The following MYH11 variants were observed in gnomAD, a reference collection of about 807,000 sequenced individuals.
MYH11 encodes myosin-11.
In MYH11, 80 loss-of-function variants were observed where a neutral mutation model predicts 246.6. The ratio of observed to expected loss-of-function variants is 0.32; its 90% CI spans 0.27 to 0.39. MYH11 has a LOEUF of 0.39. MYH11 is among the 10% of genes least tolerant of loss of function. The pLI, the probability that MYH11 is intolerant of heterozygous loss-of-function variation, is 1.00. For missense variants in MYH11, 2,158 were observed against 2,546.8 expected (o/e 0.85, Z 3.29); for synonymous variants, 1,071 against 1,015.5 (o/e 1.05, Z -1.04).
At chr16:15,727,530 C>G (rs567745524) in intron 27 of MYH11, among the ~76,000 whole-genome samples, 3 of 152,262 alleles carry the variant, frequency 2.0e-5, no homozygotes, top group African/African-American at 7.2e-5. Flanking sequence ...TCCTAAAGCT[C>G]ATGGGTTGCA....
intron 1 of MYH11, among the ~76,000 whole-genome samples, chr16:15,845,166 G>A (rs2044153472): frequency 6.6e-6 from 1 of 152,132 alleles, no homozygotes; most frequent in South Asian, 2.1e-4. Flanking sequence ...CTGCCATGAA[G>A]TTTAGATGAA....
chr16:15,727,452 T>C (rs2151226834), intron 27 of MYH11, among the ~76,000 whole-genome samples: 1 of 152,154 alleles, frequency 6.6e-6, no homozygotes. Flanking sequence ...CCACCCATCT[T>C]GGCCTCCCTA....
chr16:15,834,767 G>A (rs2043846229), intron 2 of MYH11, among the ~76,000 whole-genome samples: 1 of 152,072 alleles, frequency 6.6e-6, no homozygotes, highest in Non-Finnish European at 1.5e-5. Flanking sequence ...ACTTGGATTG[G>A]AGGACATATT....
At position 15,750,073 on chromosome 16, in the gene MYH11, A is replaced by G. The variant is rs2041523694; in HGVS notation, c.2058+65T>C. 3.8e-6 allele frequency: 6 copies of G among 1,597,666 alleles called. No individual in the cohort carries two copies. In the East Asian group the frequency reaches 1.3e-4, roughly 36 times the overall value. ...GGTGGGGGCAGAGGGCGCCCTGGGG[A>G]CGCTGTGACCGCTTGGGACAGCCCT... On this transcript the variant is annotated intron_variant, in intron 16 of 40. Transcript: ENST00000300036. The surrounding 1 kb of genome is among the most constrained non-coding windows in gnomAD (Gnocchi z 4.3).
chr16:15,724,229 C>A lies in MYH11; in HGVS notation c.4297G>T (p.Val1433Phe). 1.2e-6 allele frequency: 2 copies of A among 1,614,182 alleles called. No individual in the cohort carries two copies. Among genetic ancestry groups the A allele is most frequent in the African/African-American group, 1.3e-5 (1 of 75,062 alleles). ...NRLQQELDDLVVDLDNQRQLV... is the reference protein window; with the variant it reads ...NRLQQELDDLFVDLDNQRQLV... ...TGCCGCTGGTTGTCCAAATCAACAA[C>A]CAGGTCGTCCAGCTCCTGCTGAAGC... is the stretch of plus-strand genomic sequence containing the variant. Residue 1433 changes from valine (V) to phenylalanine (F), a missense_variant, in exon 31 of 41, where the codon GTT (valine) becomes TTT (phenylalanine). This residue lies in a region of MYH11 where 1,013 missense variants were observed against 993.5 expected (regional missense o/e 1.02). Coordinates refer to ENST00000300036, the MANE Select transcript of MYH11 (RefSeq NM_002474.3).
chr16:15,769,498 G>A lies in MYH11; in HGVS notation c.1033+2071C>T, dbSNP rs376622712. 1.9e-4 allele frequency among the ~76,000 whole-genome samples: 29 copies of A among 151,910 alleles called. 1 individual carries two copies. In the East Asian group the frequency reaches 4.6e-3, roughly 24 times the overall value. On this transcript the variant is annotated intron_variant, in intron 9 of 40. Transcript: ENST00000300036. Reference sequence around the variant, plus strand: ...CTAGGTGACAGAGTGGTGTGATCTCGGCTCACTGCAGCTTCGACCTCCTGG... The same window carrying A: ...CTAGGTGACAGAGTGGTGTGATCTCAGCTCACTGCAGCTTCGACCTCCTGG...
intron 1 of MYH11, among the ~76,000 whole-genome samples, chr16:15,847,011 C>T (rs1053309806): frequency 1.4e-4 from 21 of 152,074 alleles, no homozygotes; most frequent in Non-Finnish European, 2.5e-4. Context: ...GCACATCAAG[C>T]GTACTTTTTT....
intron 3 of MYH11, among the ~76,000 whole-genome samples, chr16:15,801,327 G>T (rs752851205): frequency 4.6e-5 from 7 of 151,954 alleles, no homozygotes; most frequent in Non-Finnish European, 5.9e-5. Context: ...TAAAAGATGA[G>T]GTAGCATAGT....
At chr16:15,797,554 A>T (rs28469480) in intron 4 of MYH11, among the ~76,000 whole-genome samples, 4,530 of 147,426 alleles carry the variant, frequency 0.031, 239 homozygotes, top group African/African-American at 0.11. Context: ...TATATATATA[A>T]ATATAAATAT....
chr16:15,737,386 G>A lies in MYH11; in HGVS notation c.3293+63C>T, dbSNP rs1342180301. 6.3e-5 allele frequency: 100 copies of A among 1,597,466 alleles called. 1 individual carries two copies. Among genetic ancestry groups the A allele is most frequent in the Middle Eastern group, 2.2e-4 (1 of 4,600 alleles). ...ACCAAGACAGCCACTGCGAATGAGC[G>A]AATGAGCAGGGGCCCAGGGGATACA... On this transcript the variant is annotated intron_variant, in intron 25 of 40. Coordinates refer to ENST00000300036, the MANE Select transcript of MYH11 (RefSeq NM_002474.3).
Position 15,771,592 on chromosome 16 carries a change from C to G in MYH11, c.1010G>C (p.Gly337Ala), listed in dbSNP as rs2042102682. ...QETVEAMAIMGFSEEEQLSIL... is the reference protein window; with the variant it reads ...QETVEAMAIMAFSEEEQLSIL... ...ACATAGCTGCTCCTCCTCGCTGAAA[C>G]CCATGATTGCCATGGCCTCCACGGT... is the stretch of plus-strand genomic sequence containing the variant. The change falls in exon 9 of 41, where the codon GGT (glycine) becomes GCT (alanine). Residue 337 changes from glycine to alanine, a missense_variant. Physicochemically the swap from Gly to Ala is moderately conservative, Grantham distance 60. Coordinates refer to ENST00000300036, the MANE Select transcript of MYH11 (RefSeq NM_002474.3). The G allele has an allele frequency of 6.2e-7, 1 of 1,614,020 alleles. No homozygotes were observed. The highest frequency in any genetic ancestry group is 8.5e-7 in the Non-Finnish European group (1 of 1,180,020).
chr16:15,784,026 T>C (rs1305961591), intron 5 of MYH11, among the ~76,000 whole-genome samples: 1 of 151,900 alleles, frequency 6.6e-6, no homozygotes, highest in Admixed American at 6.6e-5. Flanking sequence ...GTGTTAGAGA[T>C]GAGTTTACAT....
At position 15,718,912 on chromosome 16, in the gene MYH11, A is replaced by G. The variant is rs1364433774; in HGVS notation, c.5171+308T>C. On this transcript the variant is annotated intron_variant, in intron 36 of 40. Coordinates refer to ENST00000300036, the MANE Select transcript of MYH11 (RefSeq NM_002474.3). Reference sequence around the variant, plus strand: ...GGAGGCCAAGGTAGGAGGATCACCTAAGGTCAGGAGTTCAAGACTAGCCTG... The same window carrying G: ...GGAGGCCAAGGTAGGAGGATCACCTGAGGTCAGGAGTTCAAGACTAGCCTG... 15 of 424,650 alleles carry G rather than the reference A, an allele frequency of 3.5e-5. No individual in the cohort carries two copies. The East Asian group carries it at 7.4e-4, about 21-fold the overall frequency. The allele number at this position is 424,650 out of a possible 1,614,324, so 26.3% of individuals were successfully genotyped here. A position where few individuals can be genotyped will look rare whatever the true frequency, so the allele number is the denominator to read the frequency against.
At chr16:15,784,770 A>G (rs1037665071) in intron 5 of MYH11, 2 of 1,606,606 alleles carry the variant, frequency 1.2e-6, no homozygotes, top group African/African-American at 1.3e-5. Flanking sequence ...TTTCCATCAC[A>G]TGGACATCAG....
At chr16:15,762,089 C>T (rs2041880386) in intron 10 of MYH11, among the ~76,000 whole-genome samples, 1 of 152,258 alleles carries the variant, frequency 6.6e-6, no homozygotes, top group African/African-American at 2.4e-5. Context: ...GTTCTCCTGC[C>T]TCAGCCTCCT....
chr16:15,762,163 T>C (rs1478485420), intron 10 of MYH11, among the ~76,000 whole-genome samples: 1 of 152,120 alleles, frequency 6.6e-6, no homozygotes, highest in Non-Finnish European at 1.5e-5. Context: ...TTAGTAGAGA[T>C]GGGGTTTCAC....
Position 15,776,133 on chromosome 16 carries a change from C to T in MYH11, c.834G>A (p.Glu278=), listed in dbSNP as rs758728429. 11 of 1,614,056 alleles carry T rather than the reference C, an allele frequency of 6.8e-6. No homozygotes were observed. Among genetic ancestry groups the T allele is most frequent in the African/African-American group, 1.3e-5 (1 of 74,914 alleles). Residue 278 remains glutamate (E), a synonymous_variant, in exon 8 of 41, where the codon GAG becomes GAA. Transcript: ENST00000300036. The part of the protein sequence containing the change: ...KSRAIRQARD[E]RTFHIFYYMI... Reference sequence around the variant, plus strand: ...TGTAGTAAAAGATGTGGAATGTCCTCTCGTCTCTGGCTTGGCGAATTGCCC... The same window carrying T: ...TGTAGTAAAAGATGTGGAATGTCCTTTCGTCTCTGGCTTGGCGAATTGCCC...
chr16:15,742,643 A>G (rs1326149469), intron 20 of MYH11, among the ~76,000 whole-genome samples: 1 of 151,958 alleles, frequency 6.6e-6, no homozygotes, highest in Admixed American at 6.6e-5. Flanking sequence ...AGGCAGGAAG[A>G]TCGCTTGAAC....
intron 3 of MYH11, 108 bp from the exon 4 acceptor site, chr16:15,798,795 T>C: frequency 1.7e-6 from 2 of 1,193,672 alleles, no homozygotes; most frequent in Non-Finnish European, 2.5e-6. Context: ...TTCTCCATGC[T>C]GGCCTCATTG....
Sources: gnomAD v4.1 joint callset for allele counts (sites outside exome capture counted in the v4.1 genomes callset) on GRCh38, gnomAD v4.1.1 for gene constraint, gnomAD v4.1.1 regional missense constraint, Gnocchi (gnomAD v3.1) non-coding constraint, MANE v1.5 for transcripts, NCBI Gene and HGNC (gene_info 2026-07-23, HGNC 2026-07-21) for gene names.